CNTNAP2: variants seen among roughly 807,000 people sequenced by gnomAD.
The protein encoded by CNTNAP2 is contactin-associated protein-like 2.
In CNTNAP2, 98 loss-of-function variants were observed where a neutral mutation model predicts 155.2. The observed-to-expected ratio is 0.63, with a 90% CI of 0.54 to 0.75. The LOEUF is 0.75. CNTNAP2 is among the 30% of genes least tolerant of loss of function. CNTNAP2 has a pLI of 0.00. For missense variants in CNTNAP2, 1,727 were observed against 1,688.1 expected (o/e 1.02, Z -0.40); for synonymous variants, 651 against 631.2 (o/e 1.03, Z -0.47).
rs118136707 is a variant in CNTNAP2 at position 148,330,678 on chromosome 7, A to C, written c.3476-52971A>C. ...ATGGATGGATGGATGGATGGAGTAG[A>C]TGGAGTGGATGGAGTGGACGGATGG... On this transcript the variant is annotated intron_variant, in intron 21 of 23. Coordinates refer to ENST00000361727, the MANE Select transcript of CNTNAP2 (RefSeq NM_014141.6). Among the ~76,000 whole-genome samples the C allele has an allele frequency of 1.9e-4, 28 of 145,854 alleles. No homozygotes were observed. In the East Asian group the frequency reaches 5.5e-3, roughly 29 times the overall value.
At chr7:147,519,223 T>C (rs1418695804) in intron 11 of CNTNAP2, among the ~76,000 whole-genome samples, 1 of 152,096 alleles carries the variant, frequency 6.6e-6, no homozygotes, top group Non-Finnish European at 1.5e-5. Context: ...TGGTCCATTC[T>C]TTTTCAGCTT....
At chr7:147,607,497 T>C (rs973592344) in intron 12 of CNTNAP2, among the ~76,000 whole-genome samples, 3 of 152,102 alleles carry the variant, frequency 2.0e-5, no homozygotes, top group African/African-American at 7.2e-5. Flanking sequence ...TTTTCCTGGG[T>C]TGGAAGCAAT....
intron 1 of CNTNAP2, among the ~76,000 whole-genome samples, chr7:146,162,116 A>C (rs1798232797): frequency 6.6e-6 from 1 of 152,196 alleles, no homozygotes; most frequent in Admixed American, 6.5e-5. Context: ...GGGCTTCATG[A>C]CTAAAACACC....
chr7:148,331,923 G>GCTGC (rs1166283247), intron 21 of CNTNAP2, among the ~76,000 whole-genome samples: 1 of 152,108 alleles, frequency 6.6e-6, no homozygotes, highest in Non-Finnish European at 1.5e-5. Flanking sequence ...AGAAAATGGA[G>GCTGC]CTGCCTGCCT....
chr7:147,664,602 G>T (rs760545861), intron 13 of CNTNAP2, among the ~76,000 whole-genome samples: 1 of 152,146 alleles, frequency 6.6e-6, no homozygotes, highest in South Asian at 2.1e-4. Context: ...AGATGTTATT[G>T]TTGTTGTTCT....
chr7:148,150,178 C>T (rs1390421875), intron 17 of CNTNAP2, among the ~76,000 whole-genome samples: 1 of 150,132 alleles, frequency 6.7e-6, no homozygotes, highest in African/African-American at 2.5e-5. Context: ...TTTGGGAGGC[C>T]GAGGCAGGCG....
chr7:146,996,372 G>A (rs1008708750), intron 3 of CNTNAP2, among the ~76,000 whole-genome samples: 1 of 151,730 alleles, frequency 6.6e-6, no homozygotes, highest in Non-Finnish European at 1.5e-5. Context: ...CTTTTTATTT[G>A]TGTCTTCTTC....
intron 11 of CNTNAP2, among the ~76,000 whole-genome samples, chr7:147,521,473 G>A (rs1223777013): frequency 1.2e-4 from 19 of 152,164 alleles, no homozygotes; most frequent in Non-Finnish European, 1.5e-5. Context: ...TAATATTACT[G>A]TCTATGCAAA....
intron 4 of CNTNAP2, among the ~76,000 whole-genome samples, chr7:147,058,757 C>T (rs1205575728): frequency 1.3e-5 from 2 of 152,130 alleles, no homozygotes; most frequent in African/African-American, 4.8e-5. Context: ...CAGATGTGTG[C>T]CACCACGCCC....
At chr7:147,208,490 A>G (rs1300704247) in intron 8 of CNTNAP2, among the ~76,000 whole-genome samples, 1 of 152,090 alleles carries the variant, frequency 6.6e-6, no homozygotes, top group Non-Finnish European at 1.5e-5. Flanking sequence ...TGCAGGGTCT[A>G]GTAGGAAAGA....
At chr7:146,563,421 T>C (rs796698739) in intron 1 of CNTNAP2, among the ~76,000 whole-genome samples, 7 of 152,246 alleles carry the variant, frequency 4.6e-5, no homozygotes, top group African/African-American at 1.7e-4. Flanking sequence ...ACTTATGGTA[T>C]TATTAATACT....
At chr7:146,525,871 G>A (rs1200215422) in intron 1 of CNTNAP2, among the ~76,000 whole-genome samples, 1 of 152,042 alleles carries the variant, frequency 6.6e-6, no homozygotes, top group Non-Finnish European at 1.5e-5. Flanking sequence ...CCATGATAAT[G>A]TTTGTCATAA....
intron 18 of CNTNAP2, among the ~76,000 whole-genome samples, chr7:148,197,109 G>A (rs1795290730): frequency 1.3e-5 from 2 of 151,882 alleles, no homozygotes; most frequent in South Asian, 2.1e-4. Flanking sequence ...TACACACAAA[G>A]GGAAAAAAAT....
At chr7:147,651,746 C>G (rs936403079) in intron 13 of CNTNAP2, among the ~76,000 whole-genome samples, 1 of 152,180 alleles carries the variant, frequency 6.6e-6, no homozygotes, top group Non-Finnish European at 1.5e-5. Flanking sequence ...GACAAAGACT[C>G]CTTTTCTCTG....
chr7:147,732,682 A>G (rs1796764095), intron 13 of CNTNAP2, among the ~76,000 whole-genome samples: 1 of 152,178 alleles, frequency 6.6e-6, no homozygotes, highest in Non-Finnish European at 1.5e-5. Flanking sequence ...ATTTCTCCAC[A>G]TCTTCTCCAG....
chr7:147,111,606 A>C (rs1285696556), intron 5 of CNTNAP2, among the ~76,000 whole-genome samples: 1 of 152,304 alleles, frequency 6.6e-6, no homozygotes, highest in South Asian at 2.1e-4. Context: ...TTCTTCCAGC[A>C]CCATTTATTC....
chr7:148,341,576 G>A (rs1454378949), intron 21 of CNTNAP2, among the ~76,000 whole-genome samples: 1 of 152,080 alleles, frequency 6.6e-6, no homozygotes, highest in Non-Finnish European at 1.5e-5. Context: ...GAAGTTACTA[G>A]CCCAATGTCA....
intron 12 of CNTNAP2, among the ~76,000 whole-genome samples, chr7:147,568,349 G>C (rs897284597): frequency 2.6e-5 from 4 of 152,112 alleles, no homozygotes; most frequent in African/African-American, 7.2e-5. Context: ...TTATCGTAAG[G>C]CAGTAGTTCT....
chr7:147,062,145 A>C (rs375990685), intron 4 of CNTNAP2, among the ~76,000 whole-genome samples: 21 of 103,196 alleles, frequency 2.0e-4, no homozygotes, highest in Non-Finnish European at 3.0e-4. Context: ...AAAAAAAAAA[A>C]AAAAAAAAAA....
Sources: allele counts gnomAD v4.1 joint callset (sites outside exome capture counted in the v4.1 genomes callset), GRCh38; gene constraint gnomAD v4.1.1; transcripts MANE v1.5; gene names NCBI Gene and HGNC (gene_info 2026-07-23, HGNC 2026-07-21).